Variants in PKD1L1 observed in about 807,000 individuals in gnomAD.
PKD1L1 encodes polycystin 1 like 1, transient receptor potential channel interacting, also known as polycystin-1-like protein 1.
PKD1L1 carries 236 observed loss-of-function variants against 323.4 expected under a neutral mutation model. The ratio of observed to expected loss-of-function variants is 0.73; its 90% CI spans 0.66 to 0.81. PKD1L1 has a LOEUF of 0.81. Ranked by LOEUF, PKD1L1 falls within the 40% of genes least tolerant of loss-of-function variation. The pLI is 0.00. For synonymous variants in PKD1L1, 1,344 were observed against 1,335.0 expected, an observed-to-expected ratio of 1.01 and a Z score of -0.15; for missense variants, 3,320 against 3,508.0, an observed-to-expected ratio of 0.95 and a Z score of 1.35.
chr7:47,952,584 G>C (rs887017440), upstream of PKD1L1, among the ~76,000 whole-genome samples: 1 of 152,248 alleles, frequency 6.6e-6, no homozygotes, highest in Middle Eastern at 3.4e-3. Context: ...ACCCCAATAT[G>C]CTTCTGGGCC....
At chr7:47,874,436 A>C (rs1268965623) in intron 23 of PKD1L1, among the ~76,000 whole-genome samples, 2 of 152,196 alleles carry the variant, frequency 1.3e-5, no homozygotes, top group Admixed American at 6.5e-5. Context: ...CCACATAGAA[A>C]GATCGACGCC....
Position 47,840,679 on chromosome 7 carries a change from C to T in PKD1L1, c.5446-112G>A, listed in dbSNP as rs1785548418. On this transcript the variant is annotated intron_variant, in intron 34 of 56. Coordinates refer to ENST00000289672, the MANE Select transcript of PKD1L1 (RefSeq NM_138295.5). This position sits in a 1 kb window ranked among gnomAD's most constrained non-coding sequence, Gnocchi z 4.1. The stretch of plus-strand genomic sequence containing the variant: ...CCAGCGTCCCACCCTTCCTCAAAAC[C>T]ATCTGCACGGTGGAGTGCCACAGCC... 1.3e-5 allele frequency: 10 copies of T among 798,390 alleles called. No homozygotes were observed. Among genetic ancestry groups the T allele is most frequent in the East Asian group, 1.1e-4 (4 of 37,682 alleles). 49.5% of individuals were successfully genotyped at this position (798,390 alleles called of 1,614,324 possible).
At chr7:47,928,987 C>T (rs1279672428) in intron 7 of PKD1L1, among the ~76,000 whole-genome samples, 2 of 152,162 alleles carry the variant, frequency 1.3e-5, no homozygotes, top group Non-Finnish European at 2.9e-5. Flanking sequence ...AGATTAAATG[C>T]AATGAAGTAT....
intron 49 of PKD1L1, among the ~76,000 whole-genome samples, chr7:47,812,365 C>G (rs917098020): frequency 2.6e-5 from 4 of 152,190 alleles, no homozygotes; most frequent in Non-Finnish European, 5.9e-5. Context: ...TGTCCACTCT[C>G]TCTCCCCAGG....
intron 45 of PKD1L1, among the ~76,000 whole-genome samples, chr7:47,826,030 G>A (rs1470929584): frequency 6.6e-6 from 1 of 152,082 alleles, no homozygotes; most frequent in Non-Finnish European, 1.5e-5. Context: ...TGAGGGCTGA[G>A]CTGGCCCAGC....
At chr7:47,804,173 C>T (rs1784725017) in intron 52 of PKD1L1, among the ~76,000 whole-genome samples, 1 of 152,204 alleles carries the variant, frequency 6.6e-6, no homozygotes, top group Admixed American at 6.5e-5. Flanking sequence ...CTTCTGACAA[C>T]CAAAACCTAG....
At chr7:47,936,139 G>A (rs1231457816) in intron 4 of PKD1L1, among the ~76,000 whole-genome samples, 1 of 152,066 alleles carries the variant, frequency 6.6e-6, no homozygotes, top group Non-Finnish European at 1.5e-5. Context: ...ATTTTGTATT[G>A]CCTGGTGCTA....
In PKD1L1 at chr7:47,877,635, A is replaced by G. The variant is rs767193745; in HGVS notation, c.3521-4T>C. ...CCCAGTAAGCCATGCTTCGAAGCTA[A>G]AGAGAAAGATGAAGCAGCGGTTTCA... On this transcript the variant is annotated splice_region_variant and splice_polypyrimidine_tract_variant and intron_variant, in intron 21 of 56. Transcript: ENST00000289672. 4.3e-6 allele frequency: 7 copies of G among 1,613,336 alleles called. No homozygotes were observed. In the South Asian group the frequency reaches 4.4e-5, roughly 10 times the overall value.
chr7:47,893,873 C>T lies in PKD1L1; in HGVS notation c.2453+5G>A, dbSNP rs952434680. On this transcript the variant is annotated splice_donor_5th_base_variant and intron_variant, in intron 15 of 56. Coordinates refer to ENST00000289672, the MANE Select transcript of PKD1L1 (RefSeq NM_138295.5). ...TGCGCAGCTCTGTGTGGGGGTGGTG[C>T]TCACCTGAGAGTCGCCCCAGGGTCG... 5.6e-6 allele frequency: 9 copies of T among 1,611,918 alleles called. No individual in the cohort carries two copies. Among genetic ancestry groups the T allele is most frequent in the Non-Finnish European group, 7.6e-6 (9 of 1,179,314 alleles).
intron 25 of PKD1L1, among the ~76,000 whole-genome samples, chr7:47,865,861 C>T (rs775242596): frequency 8.3e-4 from 126 of 151,678 alleles, no homozygotes; most frequent in Non-Finnish European, 6.8e-4. Context: ...TCCCAAAGTG[C>T]TGGGATTACA....
chr7:47,923,298 C>T (rs938196643), intron 7 of PKD1L1, among the ~76,000 whole-genome samples: 12 of 148,712 alleles, frequency 8.1e-5, no homozygotes, highest in Non-Finnish European at 1.2e-4. Flanking sequence ...GCCAAATCCC[C>T]GTCTCCGAGA....
In PKD1L1 at chr7:47,888,096, G is replaced by A. The variant is rs768452158; in HGVS notation, c.2730C>T (p.Asp910=). ...SFKDTFVNWN[D]ELSLQAMCED... is the part of the protein sequence containing the mutation. ...CACACATAGCTTGAAGAGAGAGTTC[G>A]TCATTCCAGTTGACGAAGGTGTCTT... The change falls in exon 17 of 57, where the codon GAC becomes GAT. Residue 910 remains aspartate (D), a synonymous_variant. Coordinates refer to ENST00000289672, the MANE Select transcript of PKD1L1 (RefSeq NM_138295.5). 1.7e-5 allele frequency: 28 copies of A among 1,613,832 alleles called. No individual in the cohort carries two copies. Among genetic ancestry groups the A allele is most frequent in the Non-Finnish European group, 1.7e-5 (20 of 1,179,870 alleles).
At chr7:47,847,182 G>T (rs1785684777) in intron 31 of PKD1L1, 111 bp from the exon 32 acceptor site, 2 of 724,740 alleles carry the variant, frequency 2.8e-6, no homozygotes. Context: ...GACTACAGAT[G>T]AGCAAGAACT....
At chr7:47,887,092 C>T (rs1473098548) in intron 17 of PKD1L1, among the ~76,000 whole-genome samples, 1 of 152,202 alleles carries the variant, frequency 6.6e-6, no homozygotes, top group African/African-American at 2.4e-5. Flanking sequence ...AGCATGGGCT[C>T]TGATTCAGAA....
Position 47,815,402 on chromosome 7 carries a change from T to A in PKD1L1, c.7021A>T (p.Ser2341Cys). Residue 2341 changes from serine (S) to cysteine (C), a missense_variant, in exon 47 of 57, where the codon AGT (serine) becomes TGT (cysteine). Ser to Cys is a moderately radical substitution (Grantham distance 112). Transcript: ENST00000289672. The part of the protein sequence containing the change: ...LRNIADWWDW[S>C]LTTLLDGLYP... ...AGGCCATCCAGAAGTGTGGTCAGAC[T>A]CCAGTCCCACCAGTCAGCGATGTTT... 6.2e-7 allele frequency: 1 copy of A among 1,614,094 alleles called. No individual in the cohort carries two copies. The highest frequency in any genetic ancestry group is 8.5e-7 in the Non-Finnish European group (1 of 1,179,984).
intron 8 of PKD1L1, among the ~76,000 whole-genome samples, chr7:47,910,335 CTTTT>C (rs764658101): frequency 7.3e-6 from 1 of 137,520 alleles, no homozygotes. Flanking sequence ...ATCTTACTTT[CTTTT>C]TTTTTTTTTT....
In PKD1L1 at chr7:47,882,111, A is replaced by C. The variant is rs1562971332; in HGVS notation, c.3266-26T>G. 5.0e-6 allele frequency: 8 copies of C among 1,608,322 alleles called. No homozygotes were observed. The East Asian group carries it at 1.8e-4, about 36-fold the overall frequency. ...CTAGGAAGATAAACCAAGCCAATAG[A>C]TGTTAAAGAAAAAAAGTCATGATGA... On this transcript the variant is annotated intron_variant, in intron 19 of 56. Coordinates refer to ENST00000289672, the MANE Select transcript of PKD1L1 (RefSeq NM_138295.5).
Position 47,858,695 on chromosome 7 carries a change from G to A in PKD1L1, c.4340C>T (p.Thr1447Ile), listed in dbSNP as rs754348802. The A allele has an allele frequency of 1.2e-6, 2 of 1,613,362 alleles. No homozygotes were observed. Among genetic ancestry groups the A allele is most frequent in the Admixed American group, 3.3e-5 (2 of 60,026 alleles). Residue 1447 changes from threonine to isoleucine, a missense_variant, in exon 27 of 57, where the codon ACA becomes ATA. Physicochemically the swap from Thr to Ile is moderately conservative, Grantham distance 89. Transcript: ENST00000289672. ...TACCAACAATAAATCTGAGATGACT[G>A]TAATTCCTTCTTCATGTCGATAGAC... ...EEVYRHEEGI[T>I]VISDLLLGCL...
chr7:47,936,798 A>G, intron 4 of PKD1L1, 48 bp downstream of exon 4: 1 of 1,382,374 alleles, frequency 7.2e-7, no homozygotes, highest in Non-Finnish European at 1.0e-6. Context: ...GTTCCATGTC[A>G]TTTGCATGTT....
Sources: allele counts gnomAD v4.1 joint callset (sites outside exome capture counted in the v4.1 genomes callset), GRCh38; gene constraint gnomAD v4.1.1; non-coding constraint Gnocchi (gnomAD v3.1); transcripts MANE v1.5; gene names NCBI Gene and HGNC (gene_info 2026-07-23, HGNC 2026-07-21).